The following TYW5 variants were observed in gnomAD, a reference collection of about 807,000 sequenced individuals.
TYW5 encodes the protein tRNA-yW synthesizing protein 5.
Under a neutral mutation model 44.4 loss-of-function variants are expected in TYW5, and 36 were observed. The observed-to-expected ratio is 0.81, with a 90% CI of 0.62 to 1.07. The LOEUF is 1.07. Among genes scored for constraint, TYW5 ranks in the 50% least tolerant of loss-of-function variants. TYW5 has a pLI of 0.00. For synonymous variants in TYW5, 121 were observed against 128.1 expected (o/e 0.94, Z 0.37); for missense variants, 354 against 365.7 (o/e 0.97, Z 0.26).
intron 3 of TYW5, chr2:199,943,468 G>A: frequency 4.2e-6 from 1 of 236,308 alleles, no homozygotes; most frequent in South Asian, 1.0e-4. Context: ...TATACATCAG[G>A]CACACTGCTA....
At chr2:199,933,367 T>TAA in intron 7 of TYW5, 44 bp from the exon 8 acceptor site, 2 of 1,520,306 alleles carry the variant, frequency 1.3e-6, no homozygotes, top group Non-Finnish European at 1.8e-6. Context: ...AACCTACAGT[T>TAA]AAAAAAAAAC....
rs2077366766 is a variant in TYW5, at chr2:199,930,393, A to C, written c.*2674T>G. ...CTTAGAGATAATTATATGCATATGC[A>C]AATAAGATGTTCACACACCACATAC... is the stretch of plus-strand genomic sequence containing the variant. On this transcript the variant is annotated 3_prime_UTR_variant, in exon 8 of 8. Coordinates refer to ENST00000354611, the MANE Select transcript of TYW5 (RefSeq NM_001039693.3). 1 of 152,232 alleles carries C rather than the reference A, an allele frequency of 6.6e-6. No homozygotes were observed. The highest frequency in any genetic ancestry group is 1.5e-5 in the Non-Finnish European group (1 of 68,042). The allele number at this position is 152,232 out of a possible 1,614,324, so 9.4% of individuals were successfully genotyped here. A position where few individuals can be genotyped will look rare whatever the true frequency, so the allele number is the denominator to read the frequency against.
At chr2:199,938,743 C>G (rs2077441107) in intron 5 of TYW5, among the ~76,000 whole-genome samples, 190 bp downstream of exon 5, 1 of 152,222 alleles carries the variant, frequency 6.6e-6, no homozygotes, top group African/African-American at 2.4e-5. Flanking sequence ...GAGGAACCAA[C>G]TAGGCTTTGC....
intron 3 of TYW5, chr2:199,943,152 G>A (rs986277459): frequency 1.3e-5 from 2 of 152,306 alleles, no homozygotes; most frequent in East Asian, 1.9e-4. Flanking sequence ...CATTGCGCTC[G>A]ACCAACACAG....
intron 1 of TYW5, among the ~76,000 whole-genome samples, chr2:199,951,135 T>C (rs951083515): frequency 7.9e-5 from 12 of 152,242 alleles, no homozygotes; most frequent in African/African-American, 2.9e-4. Context: ...AGTTTGGTGA[T>C]ATTTTTGTGA....
At chr2:199,935,175 C>A (rs1416864278) in intron 7 of TYW5, among the ~76,000 whole-genome samples, 1 of 151,620 alleles carries the variant, frequency 6.6e-6, no homozygotes, top group East Asian at 1.9e-4. Context: ...AGAAAACGAA[C>A]AAGTATAATC....
At chr2:199,945,182 G>A (rs2077494868) in intron 2 of TYW5, 1 of 152,070 alleles carries the variant, frequency 6.6e-6, no homozygotes, top group Non-Finnish European at 1.5e-5. Context: ...CCTAAGCTCA[G>A]GTGTTTCTAT....
rs577669085 is a variant in TYW5 at position 199,938,049 on chromosome 2, T to A, written c.486+884A>T. Among the ~76,000 whole-genome samples, 11 of 152,120 alleles carry A rather than the reference T, an allele frequency of 7.2e-5. No homozygotes were observed. In the East Asian group the frequency reaches 2.1e-3, roughly 29 times the overall value. On this transcript the variant is annotated intron_variant, in intron 5 of 7. Transcript: ENST00000354611. ...ATAAATTTAAGCAAACAAAATAACA[T>A]CATAAATAATCAAGATCAATTTTTT...
At chr2:199,942,720 A>G (rs2077474928) in intron 3 of TYW5, 1 of 152,144 alleles carries the variant, frequency 6.6e-6, no homozygotes, top group Non-Finnish European at 1.5e-5. Context: ...TAGTATAACT[A>G]TTACCTGACA....
chr2:199,947,950 G>C lies in TYW5; in HGVS notation c.233+368C>G, dbSNP rs182890247. The C allele has an allele frequency of 6.2e-5, 11 of 177,246 alleles. No individual in the cohort carries two copies. In the East Asian group the frequency reaches 1.9e-3, roughly 31 times the overall value. 11.0% of individuals were successfully genotyped at this position (177,246 alleles called of 1,614,324 possible). On this transcript the variant is annotated intron_variant, in intron 2 of 7. Transcript: ENST00000354611. ...CTACTAAAAATACAAAAGTTAGCTA[G>C]GCATAGTGGCATGTGCCTGTAATCC...
chr2:199,954,477 G>C (rs2077577255), intron 1 of TYW5, among the ~76,000 whole-genome samples: 1 of 151,904 alleles, frequency 6.6e-6, no homozygotes, highest in Non-Finnish European at 1.5e-5. Context: ...TGTTGCCCAG[G>C]CTGGAGTGCA....
rs779258209 is a variant in TYW5, at chr2:199,948,366, A to G, written c.185T>C (p.Val62Ala). 4 of 1,614,068 alleles carry G rather than the reference A, an allele frequency of 2.5e-6. No individual in the cohort carries two copies. The Admixed American group carries it at 5.0e-5, about 20-fold the overall frequency. ...GAAGTCCATCTGTGCAACTGCAGCA[A>G]CATGAATCTTTACTTCTTTCTTCCC... is the stretch of plus-strand genomic sequence containing the variant. ...VGGKKEVKIH[V>A]AAVAQMDFIS... Residue 62 changes from valine to alanine, a missense_variant, in exon 2 of 8, where the codon GTT becomes GCT. Physicochemically the swap from Val to Ala is moderately conservative, Grantham distance 64 (BLOSUM62 0). Coordinates refer to ENST00000354611, the MANE Select transcript of TYW5 (RefSeq NM_001039693.3).
At chr2:199,944,635 G>A (rs1287764645) in intron 2 of TYW5, 2 of 152,108 alleles carry the variant, frequency 1.3e-5, no homozygotes, top group Non-Finnish European at 2.9e-5. Flanking sequence ...ACAAGACAAT[G>A]AAGTCCTCAA....
At chr2:199,954,714 C>G (rs921372043) in intron 1 of TYW5, among the ~76,000 whole-genome samples, 2 of 152,168 alleles carry the variant, frequency 1.3e-5, no homozygotes, top group Non-Finnish European at 2.9e-5. Flanking sequence ...CGTGAGCCAC[C>G]GCGCCCGGCC....
intron 7 of TYW5, among the ~76,000 whole-genome samples, chr2:199,934,746 A>C (rs2077406054): frequency 6.6e-6 from 1 of 152,088 alleles, no homozygotes. Flanking sequence ...GAATTTGTTA[A>C]TATATCCCTT....
chr2:199,939,292 C>CGG lies in TYW5; in HGVS notation c.349-224_349-223dup, dbSNP rs2077446531. ...CTAATTTTTGTATTTTTAGTGGAGA[C>CGG]GGGATTCCCCATGTTGGCCAGGCTG... On this transcript the variant is annotated intron_variant, in intron 4 of 7. Transcript: ENST00000354611. Among the ~76,000 whole-genome samples, 4 of 152,108 alleles carry CGG rather than the reference C, an allele frequency of 2.6e-5. No homozygotes were observed. In the East Asian group the frequency reaches 7.8e-4, roughly 29 times the overall value.
chr2:199,938,835 A>G, intron 5 of TYW5, 98 bp downstream of exon 5: 1 of 1,255,512 alleles, frequency 8.0e-7, no homozygotes. Flanking sequence ...AATTACACAG[A>G]TGTTTAGGGT....
intron 1 of TYW5, among the ~76,000 whole-genome samples, chr2:199,954,054 G>C (rs978820340): frequency 1.3e-5 from 2 of 151,436 alleles, no homozygotes; most frequent in African/African-American, 2.4e-5. Context: ...ATCCTCTCCC[G>C]TAGGTTGCTA....
At chr2:199,946,990 T>A (rs1026649719) in intron 2 of TYW5, 3 of 152,194 alleles carry the variant, frequency 2.0e-5, no homozygotes, top group Non-Finnish European at 2.9e-5. Context: ...AAAATAAACA[T>A]CATTAACTGC....
Sources: allele counts gnomAD v4.1 joint callset (sites outside exome capture counted in the v4.1 genomes callset), GRCh38; gene constraint gnomAD v4.1.1; transcripts MANE v1.5; gene names NCBI Gene and HGNC (gene_info 2026-07-23, HGNC 2026-07-21).